VPS8: variants seen among roughly 807,000 people sequenced by gnomAD.
VPS8 encodes the protein vacuolar protein sorting-associated protein 8 homolog.
Under a neutral mutation model 216.4 loss-of-function variants are expected in VPS8, and 129 were observed. The observed-to-expected ratio is 0.60, with a 90% CI of 0.52 to 0.69. VPS8 has a LOEUF of 0.69. VPS8 is among the 30% of genes least tolerant of loss of function. The pLI, the probability that VPS8 is intolerant of heterozygous loss-of-function variation, is 0.00. For synonymous variants in VPS8, 571 were observed against 565.4 expected (o/e 1.01, Z -0.14); for missense variants, 1,531 against 1,683.5 (o/e 0.91, Z 1.59).
At chr3:184,970,137 C>T (rs536099098) in intron 39 of VPS8, among the ~76,000 whole-genome samples, 9 of 152,116 alleles carry the variant, frequency 5.9e-5, no homozygotes, top group Admixed American at 2.0e-4. Context: ...TCTCAAACTC[C>T]TGACCTCAGG....
At chr3:184,996,584 G>A in intron 44 of VPS8, 83 bp downstream of exon 44, 1 of 1,455,970 alleles carries the variant, frequency 6.9e-7, no homozygotes. Flanking sequence ...GGATACACGG[G>A]TAGTCATTCT....
intron 42 of VPS8, among the ~76,000 whole-genome samples, chr3:184,992,463 G>A (rs751729145): frequency 1.3e-5 from 2 of 152,028 alleles, no homozygotes; most frequent in Non-Finnish European, 2.9e-5. Context: ...CGTGATTTCT[G>A]AAGTACCTAG....
At chr3:185,018,318 C>G (rs1366703417) in intron 45 of VPS8, among the ~76,000 whole-genome samples, 1 of 152,216 alleles carries the variant, frequency 6.6e-6, no homozygotes, top group African/African-American at 2.4e-5. Context: ...ACGGTTCTTT[C>G]AGTCCCTGCT....
intron 15 of VPS8, among the ~76,000 whole-genome samples, chr3:184,861,298 G>A (rs1211099986): frequency 1.3e-5 from 2 of 152,078 alleles, no homozygotes; most frequent in Non-Finnish European, 2.9e-5. Flanking sequence ...ATGAATATAG[G>A]CAACCCTAAA....
intron 25 of VPS8, among the ~76,000 whole-genome samples, chr3:184,905,302 G>T (rs186732283): frequency 1.3e-5 from 2 of 152,148 alleles, no homozygotes; most frequent in African/African-American, 4.8e-5. Flanking sequence ...CAGATTATCT[G>T]TGTCTTTTTG....
intron 45 of VPS8, among the ~76,000 whole-genome samples, chr3:185,023,999 TTC>T (rs1757015053): frequency 1.3e-5 from 2 of 152,372 alleles, no homozygotes; most frequent in East Asian, 3.9e-4. Context: ...TTGAGTTGCC[TTC>T]TGCAAGAAAT....
chr3:184,874,591 G>A (rs1470087301), intron 21 of VPS8, among the ~76,000 whole-genome samples: 1 of 152,112 alleles, frequency 6.6e-6, no homozygotes, highest in Non-Finnish European at 1.5e-5. Flanking sequence ...CGTGAGTACT[G>A]GATTGGGAAG....
At chr3:184,944,209 T>C (rs997846829) in intron 36 of VPS8, among the ~76,000 whole-genome samples, 7 of 152,224 alleles carry the variant, frequency 4.6e-5, no homozygotes, top group Non-Finnish European at 8.8e-5. Context: ...ATCCTTGTTA[T>C]GTAAATAGTT....
At chr3:184,971,807 G>T in intron 40 of VPS8, 55 bp downstream of exon 40, 1 of 1,452,602 alleles carries the variant, frequency 6.9e-7, no homozygotes, top group Admixed American at 1.8e-5. Context: ...AGACATGGTG[G>T]CCCACGTCTG....
At chr3:185,000,214 A>G (rs901994949) in intron 45 of VPS8, among the ~76,000 whole-genome samples, 10 of 152,330 alleles carry the variant, frequency 6.6e-5, no homozygotes, top group African/African-American at 2.4e-4. Flanking sequence ...TACCTATATG[A>G]TAAGAGTGCA....
chr3:184,991,527 A>T (rs548939425), intron 42 of VPS8, among the ~76,000 whole-genome samples: 2 of 152,314 alleles, frequency 1.3e-5, no homozygotes, highest in Non-Finnish European at 2.9e-5. Context: ...AATGACCTAT[A>T]GAGATTTCCT....
intron 28 of VPS8, among the ~76,000 whole-genome samples, chr3:184,919,871 T>A (rs1473968121): frequency 2.6e-5 from 4 of 152,170 alleles, no homozygotes; most frequent in Non-Finnish European, 5.9e-5. Context: ...TTATGGACTT[T>A]GCCTTCCTTC....
chr3:184,872,318 G>A (rs970136144), intron 21 of VPS8, among the ~76,000 whole-genome samples: 5 of 151,962 alleles, frequency 3.3e-5, no homozygotes, highest in Admixed American at 2.6e-4. Flanking sequence ...CCACAGTGTT[G>A]GGGGAAAACG....
chr3:184,899,043 T>TA (rs1408860914), intron 24 of VPS8, among the ~76,000 whole-genome samples: 1 of 152,208 alleles, frequency 6.6e-6, no homozygotes, highest in Non-Finnish European at 1.5e-5. Context: ...ATGCTATTTG[T>TA]AGATATATTC....
At position 184,929,627 on chromosome 3, in the gene VPS8, A is replaced by G. The variant is rs1460450238; in HGVS notation, c.2762A>G (p.Lys921Arg). Residue 921 changes from lysine (K) to arginine (R), a missense_variant, in exon 33 of 48, where the codon AAA (lysine) becomes AGA (arginine). Around this residue, in one of 3 missense-constraint regions of VPS8, gnomAD observed 1,318 missense variants for 1,468.4 expected, o/e 0.90. Transcript: ENST00000625842. ...FMYEREHQYDKIIDCYLRDPL... is the reference protein window; with the variant it reads ...FMYEREHQYDRIIDCYLRDPL... ...TATGAAAGAGAACACCAATATGATAAAATTATTGATTGCTACTTACGTGAC... is the reference window on the plus strand; with the variant it reads ...TATGAAAGAGAACACCAATATGATAGAATTATTGATTGCTACTTACGTGAC... 2.6e-6 allele frequency: 4 copies of G among 1,531,812 alleles called. No individual in the cohort carries two copies. The highest frequency in any genetic ancestry group is 4.3e-5 in the Admixed American group (2 of 46,976). 94.9% of individuals were successfully genotyped at this position (1,531,812 alleles called of 1,614,324 possible).
At position 184,854,181 on chromosome 3, in the gene VPS8, C is replaced by T. The variant is rs1188498801; in HGVS notation, c.1035+8C>T. ...ACTTTTCCCTATGGCCGGGTGAGTA[C>T]GTCCCTCCATCTTATTTGCCAAAGG... On this transcript the variant is annotated splice_region_variant and intron_variant, in intron 13 of 47. Coordinates refer to ENST00000625842, the MANE Select transcript of VPS8 (RefSeq NM_001009921.3). 8.7e-6 allele frequency: 14 copies of T among 1,613,298 alleles called. No homozygotes were observed. The highest frequency in any genetic ancestry group is 1.3e-5 in the African/African-American group (1 of 74,850).
chr3:185,015,188 T>C (rs1484245394), intron 45 of VPS8, among the ~76,000 whole-genome samples: 3 of 152,214 alleles, frequency 2.0e-5, no homozygotes, highest in Admixed American at 1.3e-4. Flanking sequence ...GGCGTTAACA[T>C]GGGTTAAATT....
chr3:185,006,966 A>G lies in VPS8; in HGVS notation c.4002+7105A>G, dbSNP rs538154385. ...TCAAAACTATGGTCATGGCAGATAA[A>G]GTCTTTCTTCCTGCCACTTCTGTCT... On this transcript the variant is annotated intron_variant, in intron 45 of 47. Transcript: ENST00000625842. Among the ~76,000 whole-genome samples, 176 of 152,324 alleles carry G rather than the reference A, an allele frequency of 1.2e-3. 2 individuals carry two copies. Among genetic ancestry groups the G allele is most frequent in the African/African-American group, 4.1e-3 (170 of 41,562 alleles).
intron 46 of VPS8, among the ~76,000 whole-genome samples, chr3:185,030,331 G>A (rs1458701189): frequency 6.6e-6 from 1 of 152,186 alleles, no homozygotes; most frequent in Admixed American, 6.5e-5. Context: ...ATTTTGTCTT[G>A]TGTCTTGATC....
Sources: allele counts gnomAD v4.1 joint callset (sites outside exome capture counted in the v4.1 genomes callset), GRCh38; gene constraint gnomAD v4.1.1; regional missense constraint gnomAD v4.1.1; transcripts MANE v1.5; gene names NCBI Gene and HGNC (gene_info 2026-07-23, HGNC 2026-07-21).